Variants in FOLH1 observed in about 807,000 individuals in gnomAD.
The protein encoded by FOLH1 is folate hydrolase 1, also known as glutamate carboxypeptidase 2.
A neutral mutation model predicts 93.9 loss-of-function variants in FOLH1; 54 were observed. That is an observed-to-expected ratio of 0.57 (90% confidence interval 0.46 to 0.72). The LOEUF (loss-of-function observed/expected upper bound fraction) is 0.72, where lower values mean the gene tolerates loss of function less well. FOLH1 is among the 30% of genes least tolerant of loss of function. FOLH1 has a pLI of 0.00. For synonymous variants in FOLH1, 249 were observed against 303.6 expected, an observed-to-expected ratio of 0.82 and a Z score of 1.87; for missense variants, 571 against 892.5, an observed-to-expected ratio of 0.64 and a Z score of 4.59.
intron 15 of FOLH1, chr11:49,155,514 T>C (rs746540651): frequency 4.8e-6 from 1 of 208,436 alleles, no homozygotes; most frequent in South Asian, 6.6e-5. Flanking sequence ...GGAATAGTTT[T>C]GAATGAACTC....
chr11:49,205,504 AG>A (rs1468060744), intron 2 of FOLH1, among the ~76,000 whole-genome samples: 2 of 152,182 alleles, frequency 1.3e-5, no homozygotes, highest in East Asian at 3.9e-4. Flanking sequence ...AAGTATTAAT[AG>A]GCAAAGATGG....
intron 17 of FOLH1, among the ~76,000 whole-genome samples, chr11:49,149,888 C>T (rs1433382271): frequency 6.6e-6 from 1 of 152,074 alleles, no homozygotes; most frequent in Admixed American, 6.6e-5. Context: ...AAAAAGTTTT[C>T]CATATTTAAA....
chr11:49,202,880 G>A (rs1213528938), intron 2 of FOLH1, among the ~76,000 whole-genome samples: 1 of 152,146 alleles, frequency 6.6e-6, no homozygotes, highest in Non-Finnish European at 1.5e-5. Flanking sequence ...TGGCAACAGA[G>A]TGAAACCTTG....
At chr11:49,177,674 G>A (rs1361029861) in intron 7 of FOLH1, among the ~76,000 whole-genome samples, 3 of 151,634 alleles carry the variant, frequency 2.0e-5, no homozygotes, top group African/African-American at 7.3e-5. Context: ...GGAGCCGGGC[G>A]CGGTGGCTCA....
chr11:49,198,194 A>G (rs1862838397), intron 3 of FOLH1, among the ~76,000 whole-genome samples: 1 of 151,968 alleles, frequency 6.6e-6, no homozygotes, highest in Non-Finnish European at 1.5e-5. Flanking sequence ...GAAAAAAACG[A>G]CAACATAGCA....
intron 18 of FOLH1, among the ~76,000 whole-genome samples, chr11:49,148,062 AT>A (rs1376097029): frequency 1.3e-5 from 2 of 152,064 alleles, no homozygotes; most frequent in African/African-American, 4.8e-5. Context: ...AGTTAGGGCC[AT>A]TTCTGGCTGT....
Position 49,155,835 on chromosome 11 carries a change from T to TATATATATATAA in FOLH1, c.1623+881_1623+882insTTATATATATAT, listed in dbSNP as rs1193032047. 5.7e-4 allele frequency among the ~76,000 whole-genome samples: 69 copies of TATATATATATAA among 121,816 alleles called. 3 individuals carry two copies. Among genetic ancestry groups the TATATATATATAA allele is most frequent in the African/African-American group, 1.5e-3 (44 of 30,112 alleles). The allele number at this position is 121,816 out of a possible 152,430, so 79.9% of individuals were successfully genotyped here. A position where few individuals can be genotyped will look rare whatever the true frequency, so the allele number is the denominator to read the frequency against. ...ATATATATATATATATATATATATA[T>TATATATATATAA]AATCAACAACAAAAGAAAGGGAATC... is the stretch of plus-strand genomic sequence containing the variant. On this transcript the variant is annotated intron_variant, in intron 15 of 18. Coordinates refer to ENST00000256999, the MANE Select transcript of FOLH1 (RefSeq NM_004476.3).
In FOLH1 at chr11:49,206,171, C is replaced by T. The variant is rs777448978; in HGVS notation, c.120G>A (p.Gly40=). 3.1e-6 allele frequency: 5 copies of T among 1,610,908 alleles called. No homozygotes were observed. The highest frequency in any genetic ancestry group is 4.2e-6 in the Non-Finnish European group (5 of 1,178,672). The change falls in exon 2 of 19, where the codon GGG becomes GGA. Residue 40 remains glycine (G), a splice_region_variant and synonymous_variant. Coordinates refer to ENST00000256999, the MANE Select transcript of FOLH1 (RefSeq NM_004476.3). ...CTTCATTGGAGGATTTTATAAACCA[C>T]CCTGAAAAATACATCCAAAAATAGG... The part of the protein sequence containing the change: ...GGFFLLGFLF[G]WFIKSSNEAT...
chr11:49,197,736 G>C (rs1862772981), intron 3 of FOLH1, among the ~76,000 whole-genome samples: 3 of 152,158 alleles, frequency 2.0e-5, no homozygotes. Flanking sequence ...AGAGAACATG[G>C]TGGTTGGGGC....
chr11:49,166,412 G>T (rs1858414152), intron 12 of FOLH1, among the ~76,000 whole-genome samples: 2 of 152,154 alleles, frequency 1.3e-5, no homozygotes, highest in South Asian at 4.1e-4. Context: ...ATACAAAAGG[G>T]ATAATAAAAA....
intron 9 of FOLH1, among the ~76,000 whole-genome samples, chr11:49,173,963 T>C (rs1859688093): frequency 2.0e-5 from 3 of 152,180 alleles, no homozygotes; most frequent in Non-Finnish European, 4.4e-5. Flanking sequence ...GTTTTTAAAG[T>C]ACAGCTCAAG....
intron 1 of FOLH1, 129 bp downstream of exon 1, chr11:49,208,163 C>A: frequency 1.4e-6 from 1 of 696,288 alleles, no homozygotes; most frequent in Non-Finnish European, 2.4e-6. Context: ...CCCCACATTA[C>A]CCCGACCCTA....
At chr11:49,185,489 G>C (rs1861257646) in intron 6 of FOLH1, 180 bp downstream of exon 6, 1 of 786,788 alleles carries the variant, frequency 1.3e-6, no homozygotes, top group Non-Finnish European at 1.9e-6. Context: ...CCAGGCCCAA[G>C]TTTCAAAATA....
intron 2 of FOLH1, among the ~76,000 whole-genome samples, chr11:49,204,904 G>A (rs1402657498): frequency 6.6e-6 from 1 of 152,030 alleles, no homozygotes; most frequent in African/African-American, 2.4e-5. Flanking sequence ...AGGATCTCAT[G>A]CTTAAAAAAA....
In FOLH1 at chr11:49,169,309, C is replaced by T. The variant is rs756906152; in HGVS notation, c.1309-51G>A. 487 of 1,547,580 alleles carry T rather than the reference C, an allele frequency of 3.1e-4. 1 individual carries two copies. The Middle Eastern group carries it at 4.6e-3, about 15-fold the overall frequency. ...TATAAAGTTATAACCCACTCCCCCTCCCCCACAAAATGCACATCTACATTT... is the reference window on the plus strand; with the variant it reads ...TATAAAGTTATAACCCACTCCCCCTTCCCCACAAAATGCACATCTACATTT... On this transcript the variant is annotated intron_variant, in intron 11 of 18. Transcript: ENST00000256999.
At chr11:49,191,853 G>C (rs1293856893) in intron 4 of FOLH1, among the ~76,000 whole-genome samples, 1 of 152,078 alleles carries the variant, frequency 6.6e-6, no homozygotes, top group African/African-American at 2.4e-5. Flanking sequence ...GTGTGTCACC[G>C]CATCTGGCTA....
Position 49,208,488 on chromosome 11 carries a change from G to C in FOLH1, c.-79C>G. 1 of 984,410 alleles carries C rather than the reference G, an allele frequency of 1.0e-6. No homozygotes were observed. Among genetic ancestry groups the C allele is most frequent in the Non-Finnish European group, 1.5e-6 (1 of 660,292 alleles). The allele number at this position is 984,410 out of a possible 1,614,324, so 61.0% of individuals were successfully genotyped here. ...CTGCGCGCCCTCCAACCACCACGGCGGGGTAAAGTCTCTCTCAATCTCACT... is the reference window on the plus strand; with the variant it reads ...CTGCGCGCCCTCCAACCACCACGGCCGGGTAAAGTCTCTCTCAATCTCACT... On this transcript the variant is annotated 5_prime_UTR_variant, in exon 1 of 19. Coordinates refer to ENST00000256999, the MANE Select transcript of FOLH1 (RefSeq NM_004476.3).
intron 13 of FOLH1, among the ~76,000 whole-genome samples, chr11:49,160,014 G>A (rs994032084): frequency 2.2e-4 from 34 of 151,404 alleles, no homozygotes; most frequent in African/African-American, 8.0e-4. Context: ...CCTCGTTCAC[G>A]CAATTCTCCT....
At chr11:49,164,193 T>A (rs577259129) in intron 13 of FOLH1, among the ~76,000 whole-genome samples, 1 of 152,322 alleles carries the variant, frequency 6.6e-6, no homozygotes, top group African/African-American at 2.4e-5. Context: ...AAATTTTATT[T>A]ATAATCCCTA....
Sources: gnomAD v4.1 joint callset for allele counts (sites outside exome capture counted in the v4.1 genomes callset) on GRCh38, gnomAD v4.1.1 for gene constraint, MANE v1.5 for transcripts, NCBI Gene and HGNC (gene_info 2026-07-23, HGNC 2026-07-21) for gene names.